The following SNAPC4 variants were observed in gnomAD, a reference collection of about 807,000 sequenced individuals.
The protein encoded by SNAPC4 is snRNA-activating protein complex subunit 4.
A neutral mutation model predicts 151.3 loss-of-function variants in SNAPC4; 127 were observed. The ratio of observed to expected loss-of-function variants is 0.84; its 90% CI spans 0.73 to 0.97. The LOEUF (loss-of-function observed/expected upper bound fraction) is 0.97. SNAPC4 is among the 50% of genes least tolerant of loss of function. The pLI is 0.00. For missense variants in SNAPC4, 2,186 were observed against 1,935.0 expected, an observed-to-expected ratio of 1.13 and a Z score of -2.43; for synonymous variants, 1,002 against 824.4, an observed-to-expected ratio of 1.22 and a Z score of -3.69.
At position 136,383,643 on chromosome 9, in the gene SNAPC4, C is replaced by T. The variant is rs201437253; in HGVS notation, c.1526G>A (p.Arg509Gln). The change falls in exon 16 of 24, where the codon CGG (arginine) becomes CAG (glutamine). Residue 509 changes from arginine to glutamine, a missense_variant. Arg to Gln is a conservative substitution (Grantham distance 43). Coordinates refer to ENST00000684778, the MANE Select transcript of SNAPC4 (RefSeq NM_003086.4). This position sits in a 1 kb window ranked among gnomAD's most constrained non-coding sequence, Gnocchi z 4.2. ...CCGGACGCTGTGACGGGCCCTCCGC[C>T]GCCGCCTCCGGAGACCCTGCTTCTT... ...MGKKQGLRRR[R>Q]RRARHSVRWS... 96 of 1,608,362 alleles carry T rather than the reference C, an allele frequency of 6.0e-5. No homozygotes were observed. Among genetic ancestry groups the T allele is most frequent in the African/African-American group, 4.4e-4 (33 of 74,994 alleles).
Position 136,377,626 on chromosome 9 carries a change from C to CA in SNAPC4, c.4200dup (p.Glu1401Ter). The CA allele has an allele frequency of 6.4e-7, 1 of 1,573,824 alleles. No individual in the cohort carries two copies. Among genetic ancestry groups the CA allele is most frequent in the Admixed American group, 1.8e-5 (1 of 54,078 alleles). Reference sequence around the variant, plus strand: ...AGCTCACTCAGGAGGTCTTCATCCTCACTCTCAGAGCCCACCCTCGAAGGT... The same window carrying CA: ...AGCTCACTCAGGAGGTCTTCATCCTCAACTCTCAGAGCCCACCCTCGAAGGT... On this transcript the variant is annotated frameshift_variant, in exon 22 of 24. Transcript: ENST00000684778. LOFTEE classifies it high-confidence loss of function.
chr9:136,387,047 G>A (rs111483387), intron 13 of SNAPC4, among the ~76,000 whole-genome samples: 3,957 of 152,326 alleles, frequency 0.026, 67 homozygotes, highest in Middle Eastern at 0.095. Flanking sequence ...GCCCAGCTTC[G>A]GAAATATACA....
intron 18 of SNAPC4, 40 bp from the exon 19 acceptor site, chr9:136,381,432 C>T: frequency 6.4e-7 from 1 of 1,552,508 alleles, no homozygotes; most frequent in Non-Finnish European, 8.9e-7. Context: ...AGCCCCAGCT[C>T]CCATGGGCAC....
At chr9:136,395,140 G>A (rs975474775) in intron 5 of SNAPC4, among the ~76,000 whole-genome samples, 158 bp downstream of exon 5, 2 of 152,236 alleles carry the variant, frequency 1.3e-5, no homozygotes, top group African/African-American at 4.8e-5. Context: ...CAGAGCAGAG[G>A]GCAGCTTGCC....
At chr9:136,391,916 C>T (rs953638961) in intron 10 of SNAPC4, 26 bp downstream of exon 10, 6 of 1,595,140 alleles carry the variant, frequency 3.8e-6, no homozygotes, top group Middle Eastern at 1.7e-4. Flanking sequence ...GTCTCCTGGC[C>T]CCTGGGGTCC....
At chr9:136,385,852 C>G (rs1833871961) in intron 13 of SNAPC4, among the ~76,000 whole-genome samples, 1 of 152,164 alleles carries the variant, frequency 6.6e-6, no homozygotes, top group Non-Finnish European at 1.5e-5. Flanking sequence ...CCGAGCCCTG[C>G]CAACCCCTTT....
At chr9:136,385,023 G>A (rs1221524508) in intron 13 of SNAPC4, among the ~76,000 whole-genome samples, 1 of 152,194 alleles carries the variant, frequency 6.6e-6, no homozygotes, top group African/African-American at 2.4e-5. Flanking sequence ...GGCTGGGAGA[G>A]AACGTTTGCA....
intron 22 of SNAPC4, 146 bp from the exon 23 acceptor site, chr9:136,376,627 C>T: frequency 2.2e-6 from 2 of 901,792 alleles, no homozygotes; most frequent in Non-Finnish European, 3.5e-6. Context: ...CTGCTCCAGG[C>T]ACTCCTGGGG....
At chr9:136,389,648 C>T (rs984785723) in intron 10 of SNAPC4, among the ~76,000 whole-genome samples, 2 of 152,224 alleles carry the variant, frequency 1.3e-5, no homozygotes, top group Non-Finnish European at 2.9e-5. Flanking sequence ...AGGCCTCACC[C>T]GTCCTCCTAC....
At chr9:136,388,337 C>T in intron 11 of SNAPC4, 107 bp downstream of exon 11, 3 of 1,156,462 alleles carry the variant, frequency 2.6e-6, no homozygotes, top group Non-Finnish European at 3.7e-6. Context: ...ACTGTCTAAG[C>T]CCTCGTCTGT....
rs1197589630 is a variant in SNAPC4, at chr9:136,377,752, G to A, written c.4075C>T (p.Pro1359Ser). ...GLVRGQLQDN[P>S]AYLLLRARFL... ...CGCGCCCGCAACAGGAGGTAGGCCG[G>A]GTTGTCCTGGAGCTGCCCCCGCACC... Residue 1359 changes from proline to serine, a missense_variant, in exon 22 of 24, where the codon CCG (proline) becomes TCG (serine). Transcript: ENST00000684778. The A allele has an allele frequency of 3.7e-6, 6 of 1,610,616 alleles. No homozygotes were observed. Among genetic ancestry groups the A allele is most frequent in the Non-Finnish European group, 5.1e-6 (6 of 1,178,648 alleles).
intron 22 of SNAPC4, 95 bp downstream of exon 22, chr9:136,377,448 C>T (rs1257478784): frequency 3.5e-6 from 5 of 1,420,866 alleles, no homozygotes; most frequent in Non-Finnish European, 4.6e-6. Context: ...CTGCCCGCAA[C>T]TTCCACCAGC....
At chr9:136,386,766 T>C (rs1329415821) in intron 13 of SNAPC4, among the ~76,000 whole-genome samples, 1 of 151,398 alleles carries the variant, frequency 6.6e-6, no homozygotes, top group African/African-American at 2.4e-5. Context: ...TTAATTAATA[T>C]TTTTTTGAGA....
Position 136,398,454 on chromosome 9 carries a change from C to A in SNAPC4, c.-9-17G>T, listed in dbSNP as rs145334754. 21 of 1,605,632 alleles carry A rather than the reference C, an allele frequency of 1.3e-5. No individual in the cohort carries two copies. Among genetic ancestry groups the A allele is most frequent in the Admixed American group, 5.0e-5 (3 of 59,650 alleles). On this transcript the variant is annotated splice_polypyrimidine_tract_variant and intron_variant, in intron 1 of 23. Transcript: ENST00000684778. ...GACTCCCGCCTGCCTCCAAAACACA[C>A]CCCGAGATGTTAGAAACCAAGACCG...
intron 13 of SNAPC4, among the ~76,000 whole-genome samples, chr9:136,386,885 T>C (rs955736900): frequency 1.3e-5 from 2 of 152,172 alleles, no homozygotes; most frequent in Non-Finnish European, 2.9e-5. Flanking sequence ...CCCAAGTAGC[T>C]GGGATTACAG....
At chr9:136,385,730 ATTT>A (rs941252047) in intron 13 of SNAPC4, among the ~76,000 whole-genome samples, 3 of 151,876 alleles carry the variant, frequency 2.0e-5, no homozygotes, top group Admixed American at 1.3e-4. Context: ...TAGTTTTTGT[ATTT>A]TTAGTAGAGA....
intron 10 of SNAPC4, 117 bp downstream of exon 10, chr9:136,391,825 A>C: frequency 8.7e-7 from 1 of 1,149,714 alleles, no homozygotes. Context: ...GTGGCAACAC[A>C]TAGAAACCTG....
intron 13 of SNAPC4, among the ~76,000 whole-genome samples, chr9:136,386,477 C>A (rs1487405222): frequency 6.6e-6 from 1 of 151,034 alleles, no homozygotes; most frequent in Non-Finnish European, 1.5e-5. Context: ...ACTCGTCGCC[C>A]AGGCTAGAGT....
In SNAPC4 at chr9:136,383,231, G is replaced by A. The variant is rs994919298; in HGVS notation, c.1938C>T (p.His646=). The part of the protein sequence containing the change: ...GPVPRSAQAS[H]SADTRPAGAE... ...CGCCCGCCGGGCGAGTGTCTGCTGA[G>A]TGGGAGGCCTGGGCAGACCTCGGGA... The change falls in exon 16 of 24, where the codon CAC becomes CAT. Residue 646 remains histidine, a synonymous_variant. Transcript: ENST00000684778. This position sits in a 1 kb window ranked among gnomAD's most constrained non-coding sequence, Gnocchi z 4.2. 2.5e-6 allele frequency: 4 copies of A among 1,578,858 alleles called. No individual in the cohort carries two copies. The African/African-American group carries it at 5.5e-5, about 22-fold the overall frequency.
Sources: allele counts gnomAD v4.1 joint callset (sites outside exome capture counted in the v4.1 genomes callset), GRCh38; gene constraint gnomAD v4.1.1; non-coding constraint Gnocchi (gnomAD v3.1); transcripts MANE v1.5; gene names NCBI Gene and HGNC (gene_info 2026-07-23, HGNC 2026-07-21).